The following STXBP6 variants were observed in gnomAD, a reference collection of about 807,000 sequenced individuals.
The protein encoded by STXBP6 is syntaxin-binding protein 6.
Under a neutral mutation model 26.9 loss-of-function variants are expected in STXBP6, and 21 were observed. The ratio of observed to expected loss-of-function variants is 0.78; its 90% CI spans 0.55 to 1.12. The LOEUF (loss-of-function observed/expected upper bound fraction) is 1.12, where lower values mean the gene tolerates loss of function less well. STXBP6 is among the 50% of genes most tolerant of loss of function. The pLI, the probability that STXBP6 is intolerant of heterozygous loss-of-function variation, is 0.00. For missense variants in STXBP6, 232 were observed against 257.9 expected (o/e 0.90, Z 0.69); for synonymous variants, 97 against 92.6 (o/e 1.05, Z -0.27).
At chr14:24,998,095 T>G (rs1157799932) in intron 1 of STXBP6, among the ~76,000 whole-genome samples, 3 of 152,180 alleles carry the variant, frequency 2.0e-5, no homozygotes, top group Non-Finnish European at 4.4e-5. Context: ...TGTCCAATAT[T>G]CTTCCAAAAT....
At chr14:24,945,225 C>T (rs2072946257) in intron 2 of STXBP6, among the ~76,000 whole-genome samples, 1 of 128,574 alleles carries the variant, frequency 7.8e-6, no homozygotes, top group South Asian at 2.7e-4. Context: ...TTGTAGTGGA[C>T]CCCAGAAATC....
At chr14:24,919,315 T>C in intron 2 of STXBP6, among the ~76,000 whole-genome samples, 1 of 152,012 alleles carries the variant, frequency 6.6e-6, no homozygotes, top group Non-Finnish European at 1.5e-5. Context: ...GAAGAAAGGT[T>C]TCTAAGAAAG....
chr14:24,852,920 C>A (rs114139707), intron 4 of STXBP6, among the ~76,000 whole-genome samples: 1,771 of 152,252 alleles, frequency 0.012, 38 homozygotes, highest in African/African-American at 0.04. Context: ...TTACGACTTA[C>A]TAGTTATATG....
intron 5 of STXBP6, among the ~76,000 whole-genome samples, chr14:24,814,466 C>A (rs1351922508): frequency 6.6e-6 from 1 of 152,218 alleles, no homozygotes; most frequent in Non-Finnish European, 1.5e-5. Context: ...GAGCTGTTAA[C>A]TTTCAACTAA....
In STXBP6 at chr14:25,041,492, T is replaced by G. The variant is rs191912724; in HGVS notation, c.-33+8386A>C. 1.1e-4 allele frequency among the ~76,000 whole-genome samples: 17 copies of G among 152,284 alleles called. No homozygotes were observed. In the East Asian group the frequency reaches 3.3e-3, roughly 29 times the overall value. ...CTTTAATGATAGGGTAGATTAAATT[T>G]TTCAAGAATAATATTAACTTCTTAA... On this transcript the variant is annotated intron_variant, in intron 1 of 5. Transcript: ENST00000323944.
At chr14:24,922,634 G>A (rs754794697) in intron 2 of STXBP6, among the ~76,000 whole-genome samples, 1 of 151,988 alleles carries the variant, frequency 6.6e-6, no homozygotes, top group Non-Finnish European at 1.5e-5. Context: ...CTTTCCAACA[G>A]CAGCCTTGAC....
At chr14:24,980,329 T>C (rs143706045) in intron 1 of STXBP6, among the ~76,000 whole-genome samples, 1 of 152,218 alleles carries the variant, frequency 6.6e-6, no homozygotes, top group Non-Finnish European at 1.5e-5. Flanking sequence ...TTTAACAAAA[T>C]GTTTACTTAG....
Position 24,974,866 on chromosome 14 carries a change from A to G in STXBP6, c.-32-16T>C, listed in dbSNP as rs185151115. 1.8e-5 allele frequency: 27 copies of G among 1,500,940 alleles called. 1 individual carries two copies. The South Asian group carries it at 2.8e-4, about 16-fold the overall frequency. The allele number at this position is 1,500,940 out of a possible 1,614,324, so 93.0% of individuals were successfully genotyped here. ...CGCAGTGAATCTTTTAAAGAAGGAA[A>G]AGAAAGGAAAGTTGGAATTGACAAC... On this transcript the variant is annotated splice_polypyrimidine_tract_variant and intron_variant, in intron 1 of 5. Coordinates refer to ENST00000323944, the MANE Select transcript of STXBP6 (RefSeq NM_001394410.1).
rs1450751548 is a variant in STXBP6 at position 24,814,416 on chromosome 14, C to T, written c.610-1684G>A. On this transcript the variant is annotated intron_variant, in intron 5 of 5. Coordinates refer to ENST00000323944, the MANE Select transcript of STXBP6 (RefSeq NM_001394410.1). ...AAGTGTTGTGCATAATAAATACTGA[C>T]CATAAATATTTGATCAGTGCTGCTG... Among the ~76,000 whole-genome samples the T allele has an allele frequency of 2.0e-5, 3 of 152,208 alleles. No individual in the cohort carries two copies. In the East Asian group the frequency reaches 5.8e-4, roughly 29 times the overall value.
At chr14:24,928,216 T>C (rs1032023702) in intron 2 of STXBP6, among the ~76,000 whole-genome samples, 2 of 152,132 alleles carry the variant, frequency 1.3e-5, no homozygotes, top group Admixed American at 6.5e-5. Context: ...GAAAACTATG[T>C]ACACTTATAC....
intron 4 of STXBP6, among the ~76,000 whole-genome samples, chr14:24,842,241 C>T (rs951542774): frequency 1.3e-5 from 2 of 152,162 alleles, no homozygotes; most frequent in Admixed American, 6.6e-5. Flanking sequence ...TTGGTCACAG[C>T]GTATTTGTAA....
rs55810129 is a variant in STXBP6, at chr14:24,918,452, C to CCACACACACACACACA, written c.154+56197_154+56212dup. Among the ~76,000 whole-genome samples the CCACACACACACACACA allele has an allele frequency of 5.0e-4, 67 of 133,474 alleles. No homozygotes were observed. The East Asian group carries it at 5.6e-3, about 11-fold the overall frequency. The allele number at this position is 133,474 out of a possible 152,430, so 87.6% of individuals were successfully genotyped here. A position where few individuals can be genotyped will look rare whatever the true frequency, so the allele number is the denominator to read the frequency against. On this transcript the variant is annotated intron_variant, in intron 2 of 5. Coordinates refer to ENST00000323944, the MANE Select transcript of STXBP6 (RefSeq NM_001394410.1). The stretch of plus-strand genomic sequence containing the variant: ...TTATTTCTTAAAAACCACACCCCCA[C>CCACACACACACACACA]CACACACACACACACACACACACAC...
At chr14:25,045,131 T>C (rs903923316) in intron 1 of STXBP6, among the ~76,000 whole-genome samples, 1 of 152,310 alleles carries the variant, frequency 6.6e-6, no homozygotes, top group South Asian at 2.1e-4. Flanking sequence ...AAATTGTGGT[T>C]TGTGCTAACT....
At chr14:24,958,523 T>G (rs28440126) in intron 2 of STXBP6, among the ~76,000 whole-genome samples, 17 of 152,044 alleles carry the variant, frequency 1.1e-4, no homozygotes, top group African/African-American at 3.9e-4. Context: ...TGAAATATTA[T>G]GTAGAAAAAT....
chr14:24,909,617 CA>C (rs1024295477), intron 2 of STXBP6, among the ~76,000 whole-genome samples: 1 of 151,400 alleles, frequency 6.6e-6, no homozygotes, highest in Non-Finnish European at 1.5e-5. Context: ...CCCAACTGTA[CA>C]AAAAAATAGA....
At chr14:24,960,993 T>C (rs1401533245) in intron 2 of STXBP6, among the ~76,000 whole-genome samples, 1 of 152,202 alleles carries the variant, frequency 6.6e-6, no homozygotes, top group East Asian at 1.9e-4. Context: ...AGGCAAAGCA[T>C]CCAATTTCTG....
At chr14:24,815,399 A>T (rs909381580) in intron 5 of STXBP6, among the ~76,000 whole-genome samples, 8 of 151,758 alleles carry the variant, frequency 5.3e-5, no homozygotes, top group Admixed American at 5.3e-4. Flanking sequence ...TACCAGGCAG[A>T]TATAGTATCA....
At chr14:25,015,269 T>C (rs1367941298) in intron 1 of STXBP6, among the ~76,000 whole-genome samples, 2 of 152,144 alleles carry the variant, frequency 1.3e-5, no homozygotes, top group African/African-American at 4.8e-5. Context: ...TTTCTCTGGT[T>C]CTTCTAAAAC....
At position 25,049,231 on chromosome 14, in the gene STXBP6, G is replaced by A. The variant is rs1041886714; in HGVS notation, c.-33+647C>T. The A allele has an allele frequency of 3.7e-5, 36 of 985,370 alleles. No individual in the cohort carries two copies. The highest frequency in any genetic ancestry group is 2.3e-4 in the African/African-American group (13 of 57,252). 61.0% of individuals were successfully genotyped at this position (985,370 alleles called of 1,614,324 possible). ...CCTACTCCAGCCACGTTGCCCGGCG[G>A]TGTTGGTGAGGCTCGATGCCGGCGT... On this transcript the variant is annotated intron_variant, in intron 1 of 5. Transcript: ENST00000323944. The surrounding 1 kb of genome is among the most constrained non-coding windows in gnomAD (Gnocchi z 5.6).
Sources: gnomAD v4.1 joint callset for allele counts (sites outside exome capture counted in the v4.1 genomes callset) on GRCh38, gnomAD v4.1.1 for gene constraint, Gnocchi (gnomAD v3.1) non-coding constraint, MANE v1.5 for transcripts, NCBI Gene and HGNC (gene_info 2026-07-23, HGNC 2026-07-21) for gene names.